The following SYNDIG1 variants were observed in gnomAD, a reference collection of about 807,000 sequenced individuals.
SYNDIG1 encodes the protein synapse differentiation inducing 1.
Under a neutral mutation model 19.4 loss-of-function variants are expected in SYNDIG1, and 9 were observed. The ratio of observed to expected loss-of-function variants is 0.46; its 90% CI spans 0.28 to 0.81. The LOEUF (loss-of-function observed/expected upper bound fraction) is 0.81, where lower values mean the gene tolerates loss of function less well. Among genes scored for constraint, SYNDIG1 ranks in the 30% least tolerant of loss-of-function variants. The pLI is 0.12. For missense variants in SYNDIG1, 311 were observed against 343.3 expected (o/e 0.91, Z 0.74); for synonymous variants, 141 against 145.9 (o/e 0.97, Z 0.24).
At chr20:24,593,741 G>A (rs114997038) in intron 3 of SYNDIG1, among the ~76,000 whole-genome samples, 4,661 of 152,142 alleles carry the variant, frequency 0.031, 153 homozygotes, top group African/African-American at 0.084. Flanking sequence ...TTGACTGTGT[G>A]AGAGTTTCTC....
chr20:24,587,511 G>T (rs1052675770), intron 3 of SYNDIG1, among the ~76,000 whole-genome samples: 6 of 152,360 alleles, frequency 3.9e-5, no homozygotes, highest in African/African-American at 1.4e-4. Flanking sequence ...TTTACAGCCC[G>T]CACCGCAGAT....
At chr20:24,584,604 G>C (rs575512680) in intron 2 of SYNDIG1, among the ~76,000 whole-genome samples, 4 of 152,292 alleles carry the variant, frequency 2.6e-5, no homozygotes, top group Non-Finnish European at 4.4e-5. Flanking sequence ...TTCTGCAAAC[G>C]AGTGACCCAA....
At chr20:24,611,344 C>G (rs1202925857) in intron 3 of SYNDIG1, among the ~76,000 whole-genome samples, 1 of 152,152 alleles carries the variant, frequency 6.6e-6, no homozygotes, top group East Asian at 1.9e-4. Flanking sequence ...TTGTGTCAGC[C>G]AAAGTCCCCA....
At chr20:24,503,477 G>A (rs992739285) in intron 1 of SYNDIG1, among the ~76,000 whole-genome samples, 17 of 152,234 alleles carry the variant, frequency 1.1e-4, no homozygotes, top group African/African-American at 3.9e-4. Flanking sequence ...GTGTCCACGC[G>A]GTAAAAATAG....
intron 1 of SYNDIG1, among the ~76,000 whole-genome samples, chr20:24,487,177 A>C (rs551813849): frequency 6.6e-6 from 1 of 152,204 alleles, no homozygotes; most frequent in East Asian, 1.9e-4. Context: ...ACTTTCACTT[A>C]TGGTTTAATT....
chr20:24,503,579 C>A (rs751046542), intron 1 of SYNDIG1, among the ~76,000 whole-genome samples: 1 of 151,954 alleles, frequency 6.6e-6, no homozygotes, highest in Non-Finnish European at 1.5e-5. Context: ...CAAAATCCCC[C>A]AATGGGAATG....
At chr20:24,574,925 C>T (rs1164313117) in intron 2 of SYNDIG1, among the ~76,000 whole-genome samples, 3 of 152,188 alleles carry the variant, frequency 2.0e-5, no homozygotes, top group Admixed American at 2.0e-4. Flanking sequence ...TACATTTGTG[C>T]TTTACCCAGG....
intron 1 of SYNDIG1, among the ~76,000 whole-genome samples, chr20:24,528,264 A>C (rs2057169108): frequency 6.6e-6 from 1 of 152,170 alleles, no homozygotes; most frequent in African/African-American, 2.4e-5. Flanking sequence ...AAGTATCCTA[A>C]GTATGGTTGT....
intron 3 of SYNDIG1, among the ~76,000 whole-genome samples, chr20:24,610,452 G>A (rs1200283715): frequency 3.3e-5 from 5 of 152,026 alleles, no homozygotes; most frequent in Admixed American, 2.6e-4. Flanking sequence ...CTCTGCACAC[G>A]GGGGGGCGAG....
At chr20:24,601,260 G>A (rs770449591) in intron 3 of SYNDIG1, among the ~76,000 whole-genome samples, 7 of 152,120 alleles carry the variant, frequency 4.6e-5, no homozygotes, top group Non-Finnish European at 8.8e-5. Context: ...TTCTGTTTAC[G>A]AGAGAGATTG....
chr20:24,477,755 G>T (rs140294695), intron 1 of SYNDIG1, among the ~76,000 whole-genome samples: 1 of 152,224 alleles, frequency 6.6e-6, no homozygotes, highest in Non-Finnish European at 1.5e-5. Context: ...TGGAAGTGGA[G>T]TAGGGAGAGC....
chr20:24,501,544 G>C (rs562045329), intron 1 of SYNDIG1, among the ~76,000 whole-genome samples: 12 of 152,290 alleles, frequency 7.9e-5, no homozygotes, highest in African/African-American at 2.9e-4. Context: ...TGGGGACAGA[G>C]GTCCCAAGGC....
chr20:24,519,836 C>G (rs2056967212), intron 1 of SYNDIG1, among the ~76,000 whole-genome samples: 1 of 151,648 alleles, frequency 6.6e-6, no homozygotes, highest in Admixed American at 6.6e-5. Context: ...CGCACGCGCA[C>G]ATGCACACAC....
At chr20:24,543,724 C>A in intron 2 of SYNDIG1, 147 bp downstream of exon 2, 1 of 1,126,832 alleles carries the variant, frequency 8.9e-7, no homozygotes, top group Non-Finnish European at 1.3e-6. Context: ...GTGCCCTTCA[C>A]TCTTGAGTGC....
chr20:24,615,633 G>T (rs1389304782), intron 3 of SYNDIG1, among the ~76,000 whole-genome samples: 1 of 152,120 alleles, frequency 6.6e-6, no homozygotes, highest in Non-Finnish European at 1.5e-5. Flanking sequence ...CTTCTCACAG[G>T]CACATTTTCA....
chr20:24,476,675 AAAAC>A (rs1412119411), intron 1 of SYNDIG1, among the ~76,000 whole-genome samples: 17 of 152,194 alleles, frequency 1.1e-4, no homozygotes, highest in Middle Eastern at 3.4e-3. Flanking sequence ...AACTAAAAAA[AAAAC>A]AAACAAACAA....
chr20:24,597,377 T>C (rs1222705897), intron 3 of SYNDIG1, among the ~76,000 whole-genome samples: 1 of 152,182 alleles, frequency 6.6e-6, no homozygotes, highest in African/African-American at 2.4e-5. Flanking sequence ...TATCCCGTCT[T>C]GTGTCTTTTT....
intron 2 of SYNDIG1, among the ~76,000 whole-genome samples, chr20:24,576,150 T>C (rs538252622): frequency 1.3e-5 from 2 of 152,202 alleles, no homozygotes; most frequent in Admixed American, 1.3e-4. Context: ...GCAGAGGGCA[T>C]GTTTTCCCCA....
At chr20:24,626,521 G>A (rs111646747) in intron 3 of SYNDIG1, among the ~76,000 whole-genome samples, 29,518 of 151,248 alleles carry the variant, frequency 0.2, 3,178 homozygotes, top group African/African-American at 0.29. Flanking sequence ...ATGGAATGGC[G>A]GCCGGGAAGA....
Sources: allele counts gnomAD v4.1 joint callset (sites outside exome capture counted in the v4.1 genomes callset), GRCh38; gene constraint gnomAD v4.1.1; transcripts MANE v1.5; gene names NCBI Gene and HGNC (gene_info 2026-07-23, HGNC 2026-07-21).